PABPC4L: variants seen among roughly 807,000 people sequenced by gnomAD.
PABPC4L encodes the protein polyadenylate-binding protein 4-like.
For missense variants in PABPC4L, 452 were observed against 451.4 expected (o/e 1.00, Z -0.01); for synonymous variants, 169 against 164.1 (o/e 1.03, Z -0.23).
the PABPC4L span, among the ~76,000 whole-genome samples, chr4:134,031,238 T>C: frequency 4.6e-5 from 7 of 152,036 alleles, no homozygotes; most frequent in Admixed American, 2.0e-4. Flanking sequence ...CATAAACTCC[T>C]TTCAAAAATT....
chr4:134,187,205 A>C, the PABPC4L span, among the ~76,000 whole-genome samples: 1 of 152,120 alleles, frequency 6.6e-6, no homozygotes, highest in South Asian at 2.1e-4. Context: ...ATATAACCAA[A>C]GGATTATAAA....
chr4:134,161,659 A>T, the PABPC4L span, among the ~76,000 whole-genome samples: 1 of 152,194 alleles, frequency 6.6e-6, no homozygotes, highest in African/African-American at 2.4e-5. Flanking sequence ...GTCTTACAAG[A>T]GATGCTAAAG....
the PABPC4L span, among the ~76,000 whole-genome samples, chr4:133,960,761 T>C: frequency 6.6e-6 from 1 of 152,110 alleles, no homozygotes; most frequent in Non-Finnish European, 1.5e-5. Context: ...TCAGATTGCA[T>C]GGGAGCTGGG....
At chr4:133,960,821 C>T in the PABPC4L span, among the ~76,000 whole-genome samples, 1 of 152,058 alleles carries the variant, frequency 6.6e-6, no homozygotes. Flanking sequence ...ACCTGCATGA[C>T]TCAGCAGAGG....
chr4:134,114,072 T>A, the PABPC4L span, among the ~76,000 whole-genome samples: 1 of 151,652 alleles, frequency 6.6e-6, no homozygotes. Flanking sequence ...GAAAGATAAG[T>A]GGAAGCTATT....
the PABPC4L span, among the ~76,000 whole-genome samples, chr4:134,000,038 A>T: frequency 2.0e-5 from 3 of 152,276 alleles, no homozygotes; most frequent in South Asian, 6.2e-4. Flanking sequence ...CAGATCAATG[A>T]TGCACCTGAA....
the PABPC4L span, among the ~76,000 whole-genome samples, chr4:134,081,282 C>T: frequency 6.6e-6 from 1 of 151,968 alleles, no homozygotes; most frequent in Non-Finnish European, 1.5e-5. Context: ...TGGAGTTGCC[C>T]CGAAAGCAGC....
At chr4:134,150,596 T>G in the PABPC4L span, among the ~76,000 whole-genome samples, 1 of 152,114 alleles carries the variant, frequency 6.6e-6, no homozygotes, top group Non-Finnish European at 1.5e-5. Flanking sequence ...AAAGATCAAT[T>G]AATTTGATTA....
At chr4:134,178,578 T>C in the PABPC4L span, among the ~76,000 whole-genome samples, 1 of 151,722 alleles carries the variant, frequency 6.6e-6, no homozygotes, top group African/African-American at 2.4e-5. Context: ...GAATTCAGAA[T>C]AAGAACAGGA....
chr4:134,096,571 G>A, the PABPC4L span, among the ~76,000 whole-genome samples: 179 of 151,990 alleles, frequency 1.2e-3, 2 homozygotes, highest in Middle Eastern at 3.4e-3. Flanking sequence ...AATGGCTTAA[G>A]TCAGGAAATT....
downstream of PABPC4L, among the ~76,000 whole-genome samples, chr4:134,194,231 A>G (rs1417154932): frequency 6.6e-6 from 1 of 151,878 alleles, no homozygotes; most frequent in Non-Finnish European, 1.5e-5. Flanking sequence ...TGAGAGTTCA[A>G]AAGACTGTGC....
At chr4:134,193,412 T>C (rs1729568564), downstream of PABPC4L, among the ~76,000 whole-genome samples, 1 of 151,912 alleles carries the variant, frequency 6.6e-6, no homozygotes, top group African/African-American at 2.4e-5. Context: ...ATATAAATAT[T>C]TGAAGGTGAT....
chr4:134,185,012 G>A, the PABPC4L span, among the ~76,000 whole-genome samples: 1 of 151,838 alleles, frequency 6.6e-6, no homozygotes, highest in African/African-American at 2.4e-5. Flanking sequence ...TTTTAAATCA[G>A]GTAATTCACT....
chr4:134,109,813 C>T, the PABPC4L span, among the ~76,000 whole-genome samples: 2 of 151,546 alleles, frequency 1.3e-5, no homozygotes, highest in Non-Finnish European at 2.9e-5. Flanking sequence ...ATGGTCTCAG[C>T]TCACTGCAAC....
At chr4:134,029,909 A>G in the PABPC4L span, among the ~76,000 whole-genome samples, 2 of 152,044 alleles carry the variant, frequency 1.3e-5, no homozygotes, top group Non-Finnish European at 2.9e-5. Flanking sequence ...AGTTGACCCC[A>G]TGCTGCTGTT....
the PABPC4L span, among the ~76,000 whole-genome samples, chr4:134,013,003 C>A: frequency 6.6e-6 from 1 of 152,236 alleles, no homozygotes; most frequent in Admixed American, 6.5e-5. Flanking sequence ...GGACACCTCT[C>A]TGATTATTCA....
the PABPC4L span, among the ~76,000 whole-genome samples, chr4:133,958,650 C>T: frequency 5.3e-3 from 812 of 152,254 alleles, 8 homozygotes; most frequent in African/African-American, 0.019. Context: ...GGCCTCAGGA[C>T]ACTGACAATC....
the PABPC4L span, among the ~76,000 whole-genome samples, chr4:134,062,582 C>T: frequency 6.6e-6 from 1 of 151,952 alleles, no homozygotes; most frequent in Non-Finnish European, 1.5e-5. Context: ...AGCAGAGAAA[C>T]ATATCCCATT....
the PABPC4L span, among the ~76,000 whole-genome samples, chr4:134,003,541 T>C: frequency 1.3e-5 from 2 of 151,956 alleles, no homozygotes; most frequent in Admixed American, 1.3e-4. Flanking sequence ...CATTCATCAA[T>C]TTTTAAAAGT....
Sources: allele counts gnomAD v4.1 joint callset (sites outside exome capture counted in the v4.1 genomes callset), GRCh38; gene constraint gnomAD v4.1.1; transcripts MANE v1.5; gene names NCBI Gene and HGNC (gene_info 2026-07-23, HGNC 2026-07-21).